DZIP1L: variants seen among roughly 807,000 people sequenced by gnomAD.
The protein encoded by DZIP1L is DAZ interacting zinc finger protein 1 like.
A neutral mutation model predicts 88.7 loss-of-function variants in DZIP1L; 90 were observed. The ratio of observed to expected loss-of-function variants is 1.02; its 90% CI spans 0.86 to 1.21. The LOEUF is 1.21. DZIP1L is among the 50% of genes most tolerant of loss of function. The pLI is 0.00. For missense variants in DZIP1L, 932 were observed against 955.8 expected (o/e 0.98, Z 0.33); for synonymous variants, 363 against 372.1 (o/e 0.98, Z 0.28).
intron 2 of DZIP1L, among the ~76,000 whole-genome samples, chr3:138,100,627 AGAATTGAATT>A (rs1441699849): frequency 6.6e-6 from 1 of 152,240 alleles, no homozygotes; most frequent in Non-Finnish European, 1.5e-5. Flanking sequence ...AGATAGTGTC[AGAATTGAATT>A]GAAGGGCACC....
chr3:138,064,746 A>G lies in DZIP1L; in HGVS notation c.2024T>C (p.Val675Ala). The G allele has an allele frequency of 1.3e-6, 2 of 1,593,252 alleles. No individual in the cohort carries two copies. The highest frequency in any genetic ancestry group is 1.7e-6 in the Non-Finnish European group (2 of 1,171,588). Residue 675 changes from valine (V) to alanine (A), a missense_variant, in exon 15 of 16, where the codon GTC becomes GCC. Transcript: ENST00000327532. ...TTCTAGCTGCTTCTCCAGGTTTTTG[A>G]CCATCGACTGCACCAGTGTTCCTGG... ...QGSGTLVQSM[V>A]KNLEKQLEAP... is the part of the protein sequence containing the mutation.
At position 138,068,150 on chromosome 3, in the gene DZIP1L, C is replaced by T. The variant is rs1461983859; in HGVS notation, c.1832+1G>A. On this transcript the variant is annotated splice_donor_variant, in intron 13 of 15. Transcript: ENST00000327532. LOFTEE classifies it high-confidence loss of function. ...GTGAGAGGGCAGAGTCTGGGGCTCA[C>T]CTCATCCCGGGCCCCGAGGAAGGAG... 2.0e-6 allele frequency: 3 copies of T among 1,499,834 alleles called. No individual in the cohort carries two copies. The highest frequency in any genetic ancestry group is 4.3e-5 in the Admixed American group (2 of 46,266). 92.9% of individuals were successfully genotyped at this position (1,499,834 alleles called of 1,614,324 possible).
intron 5 of DZIP1L, among the ~76,000 whole-genome samples, chr3:138,091,046 G>T (rs922887278): frequency 1.3e-5 from 2 of 151,852 alleles, no homozygotes; most frequent in African/African-American, 4.8e-5. Flanking sequence ...ACCACACCCA[G>T]CTAATTTTTG....
chr3:138,108,292 G>A (rs978576829), intron 1 of DZIP1L: 10 of 941,672 alleles, frequency 1.1e-5, no homozygotes, highest in Non-Finnish European at 1.3e-5. Context: ...CAGGCATGCT[G>A]TGGGCAAGGG....
intron 12 of DZIP1L, 49 bp from the exon 13 acceptor site, chr3:138,068,416 T>G: frequency 7.2e-7 from 1 of 1,394,450 alleles, no homozygotes; most frequent in Non-Finnish European, 9.5e-7. Context: ...ATGCTGGATC[T>G]CAAGCCTAAG....
chr3:138,097,640 C>T, intron 3 of DZIP1L, 123 bp downstream of exon 3: 1 of 875,954 alleles, frequency 1.1e-6, no homozygotes, highest in Non-Finnish European at 1.7e-6. Context: ...TCATCCCATC[C>T]CCAATTGGAC....
At chr3:138,087,090 G>A (rs1943978319) in intron 6 of DZIP1L, 67 bp from the exon 7 acceptor site, 2 of 1,486,808 alleles carry the variant, frequency 1.3e-6, no homozygotes, top group South Asian at 2.3e-5. Context: ...AAAGCTACAG[G>A]AAGTTAAAAG....
chr3:138,078,205 A>G (rs1943500010), intron 10 of DZIP1L, among the ~76,000 whole-genome samples: 1 of 152,228 alleles, frequency 6.6e-6, no homozygotes, highest in Admixed American at 6.5e-5. Flanking sequence ...AGTGCTACAA[A>G]GGAGCAGTCC....
chr3:138,075,131 C>A (rs1202983475), intron 11 of DZIP1L, among the ~76,000 whole-genome samples: 1 of 152,200 alleles, frequency 6.6e-6, no homozygotes, highest in Non-Finnish European at 1.5e-5. Flanking sequence ...ATGCACCTAA[C>A]ACTGGAGTTT....
chr3:138,102,576 C>T (rs1269585676), intron 2 of DZIP1L: 8 of 1,445,692 alleles, frequency 5.5e-6, no homozygotes, highest in Non-Finnish European at 7.8e-6. Flanking sequence ...TCTTGTTCTG[C>T]TGCTCCAGGA....
In DZIP1L at chr3:138,103,829, C is replaced by T. The variant is rs370424959; in HGVS notation, c.143G>A (p.Arg48Gln). 14 of 1,614,056 alleles carry T rather than the reference C, an allele frequency of 8.7e-6. No individual in the cohort carries two copies. Among genetic ancestry groups the T allele is most frequent in the South Asian group, 4.4e-5 (4 of 91,092 alleles). Residue 48 changes from arginine to glutamine, a missense_variant, in exon 2 of 16, where the codon CGG (arginine) becomes CAG (glutamine). Arg to Gln is a conservative substitution (Grantham distance 43). Coordinates refer to ENST00000327532, the MANE Select transcript of DZIP1L (RefSeq NM_173543.3). ...CTGCAGAGTGGCCACATCCAGTTCC[C>T]GGGCCACGCGGTCTACATCCAGGGT... Reference protein sequence around the residue: ...ISTLDVDRVARELDVATLQEN... With the variant: ...ISTLDVDRVAQELDVATLQEN...
chr3:138,065,390 G>A (rs1315945762), intron 14 of DZIP1L, among the ~76,000 whole-genome samples: 1 of 152,224 alleles, frequency 6.6e-6, no homozygotes, highest in Non-Finnish European at 1.5e-5. Context: ...ATTCATTCAA[G>A]AAATGTTTGT....
intron 2 of DZIP1L, 49 bp from the exon 3 acceptor site, chr3:138,097,896 C>A: frequency 6.5e-7 from 1 of 1,533,286 alleles, no homozygotes; most frequent in Non-Finnish European, 8.9e-7. Flanking sequence ...TCACCTGAGT[C>A]AGCCTGGGAT....
chr3:138,089,962 G>A (rs953007728), intron 5 of DZIP1L, among the ~76,000 whole-genome samples: 21 of 152,062 alleles, frequency 1.4e-4, no homozygotes, highest in African/African-American at 4.6e-4. Context: ...GGGTAACATG[G>A]CGAAACCCCA....
chr3:138,104,656 C>G (rs1286599859), intron 1 of DZIP1L, among the ~76,000 whole-genome samples: 1 of 152,194 alleles, frequency 6.6e-6, no homozygotes, highest in Non-Finnish European at 1.5e-5. Flanking sequence ...TGACTAAGTT[C>G]TCTCTCCTGG....
intron 8 of DZIP1L, 68 bp downstream of exon 8, chr3:138,084,045 C>A: frequency 6.4e-7 from 1 of 1,573,922 alleles, no homozygotes; most frequent in Admixed American, 1.8e-5. Flanking sequence ...CAAAAGAATC[C>A]AAGGAGATCC....
intron 2 of DZIP1L, among the ~76,000 whole-genome samples, chr3:138,103,253 A>G (rs1358659791): frequency 6.6e-6 from 1 of 151,814 alleles, no homozygotes; most frequent in Non-Finnish European, 1.5e-5. Flanking sequence ...CACATGTACA[A>G]TCTACACACA....
chr3:138,068,041 T>A, intron 13 of DZIP1L, 110 bp downstream of exon 13: 1 of 992,214 alleles, frequency 1.0e-6, no homozygotes, highest in South Asian at 2.7e-5. Context: ...TATTCACATG[T>A]GTCTGCCCCC....
Position 138,063,528 on chromosome 3 carries a change from C to T in DZIP1L, c.2143-551G>A, listed in dbSNP as rs937117113. Among the ~76,000 whole-genome samples, 1 of 152,212 alleles carries T rather than the reference C, an allele frequency of 6.6e-6. No homozygotes were observed. The highest frequency in any genetic ancestry group is 2.4e-5 in the African/African-American group (1 of 41,460). On this transcript the variant is annotated intron_variant, in intron 15 of 15. Coordinates refer to ENST00000327532, the MANE Select transcript of DZIP1L (RefSeq NM_173543.3). This position sits in a 1 kb window ranked among gnomAD's most constrained non-coding sequence, Gnocchi z 4.1. ...GAGTCAGCCAAGGGACCAGGCCACC[C>T]CCTGACCACAGCCACCTGCGTAGCA...
Sources: allele counts gnomAD v4.1 joint callset (sites outside exome capture counted in the v4.1 genomes callset), GRCh38; gene constraint gnomAD v4.1.1; non-coding constraint Gnocchi (gnomAD v3.1); transcripts MANE v1.5; gene names NCBI Gene and HGNC (gene_info 2026-07-23, HGNC 2026-07-21).